USP32: variants seen among roughly 807,000 people sequenced by gnomAD.
USP32 encodes the protein ubiquitin carboxyl-terminal hydrolase 32.
In USP32, 59 loss-of-function variants were observed where a neutral mutation model predicts 204.8. The ratio of observed to expected loss-of-function variants is 0.29; its 90% confidence interval spans 0.23 to 0.36. The LOEUF (loss-of-function observed/expected upper bound fraction) is 0.36, where lower values mean the gene tolerates loss of function less well. Among genes scored for constraint, USP32 ranks in the 10% least tolerant of loss-of-function variants. The pLI is 1.00. For missense variants in USP32, 1,160 were observed against 1,946.4 expected, an observed-to-expected ratio of 0.60 and a Z score of 7.60; for synonymous variants, 517 against 678.4, an observed-to-expected ratio of 0.76 and a Z score of 3.70.
chr17:60,353,591 A>C (rs2089002239), intron 1 of USP32, among the ~76,000 whole-genome samples: 1 of 152,090 alleles, frequency 6.6e-6, no homozygotes, highest in South Asian at 2.1e-4. Context: ...AAATACAAAA[A>C]TTAGCCAGGG....
At chr17:60,224,392 G>A (rs1032501177) in intron 13 of USP32, among the ~76,000 whole-genome samples, 1 of 152,194 alleles carries the variant, frequency 6.6e-6, no homozygotes, top group African/African-American at 2.4e-5. Context: ...AGAAAGGGAG[G>A]GAAGAAGCAG....
upstream of USP32, chr17:60,392,193 C>A: frequency 1.9e-6 from 1 of 534,982 alleles, no homozygotes; most frequent in South Asian, 2.3e-5. Context: ...TCTCCTCTCT[C>A]TCCTCCCTCT....
chr17:60,310,145 A>T (rs1598227915), intron 2 of USP32, among the ~76,000 whole-genome samples: 2 of 152,342 alleles, frequency 1.3e-5, no homozygotes, highest in South Asian at 2.1e-4. Context: ...GCAGGAATGT[A>T]AACTAGTACA....
intron 5 of USP32, among the ~76,000 whole-genome samples, chr17:60,285,146 CTAATT>C (rs1210697108): frequency 6.6e-6 from 1 of 152,170 alleles, no homozygotes; most frequent in Non-Finnish European, 1.5e-5. Context: ...TAACAGAAAA[CTAATT>C]TACCATACAA....
chr17:60,247,326 C>T (rs1308970993), intron 11 of USP32, among the ~76,000 whole-genome samples: 1 of 150,890 alleles, frequency 6.6e-6, no homozygotes, highest in Non-Finnish European at 1.5e-5. Context: ...ATTACAGGCG[C>T]CTGCCACCAT....
At chr17:60,274,088 C>T (rs916517732) in intron 5 of USP32, among the ~76,000 whole-genome samples, 2 of 151,362 alleles carry the variant, frequency 1.3e-5, no homozygotes, top group Non-Finnish European at 2.9e-5. Context: ...AAAAACATGC[C>T]TATACTAAGG....
chr17:60,192,905 G>T lies in USP32; in HGVS notation c.3460C>A (p.Pro1154Thr). 6.2e-7 allele frequency: 1 copy of T among 1,613,836 alleles called. No individual in the cohort carries two copies. The change falls in exon 28 of 34, where the codon CCA becomes ACA. Residue 1154 changes from proline (P) to threonine (T), a missense_variant. Pro to Thr is a conservative substitution (Grantham distance 38). Coordinates refer to ENST00000300896, the MANE Select transcript of USP32 (RefSeq NM_032582.4). ...TTCTGCACAACTCGTAGAGTGAATG[G>T]ATATTGATAGCCCATACTGTCGTCA... is the stretch of plus-strand genomic sequence containing the variant. ...DCDDSMGYQY[P>T]FTLRVVQKDG...
Position 60,205,527 on chromosome 17 carries a change from T to C in USP32, c.3169A>G (p.Asn1057Asp), listed in dbSNP as rs560821528. The change falls in exon 26 of 34, where the codon AAT becomes GAT. Residue 1057 changes from asparagine to aspartate, a missense_variant. This residue lies in a region of USP32 where 1 missense variants were observed against 17.3 expected (regional missense o/e 0.06). Transcript: ENST00000300896. ...GGCATGTGACCATTAACCATTCCAT[T>C]TGTGAAGTTCTTCTCAGTTCCACAT... The part of the protein sequence containing the change: ...VPCGTEKNFT[N>D]GMVNGHMPSL... The C allele has an allele frequency of 6.2e-7, 1 of 1,613,938 alleles. No individual in the cohort carries two copies. Among genetic ancestry groups the C allele is most frequent in the African/African-American group, 1.3e-5 (1 of 75,008 alleles).
At chr17:60,277,737 T>C (rs1377126632) in intron 5 of USP32, among the ~76,000 whole-genome samples, 1 of 152,194 alleles carries the variant, frequency 6.6e-6, no homozygotes, top group African/African-American at 2.4e-5. Flanking sequence ...GATTCTACCA[T>C]TCAAAGAAAT....
intron 11 of USP32, among the ~76,000 whole-genome samples, chr17:60,237,087 C>T (rs1403444557): frequency 1.3e-5 from 2 of 151,506 alleles, no homozygotes; most frequent in Non-Finnish European, 2.9e-5. Flanking sequence ...CACTGTTACA[C>T]TGGGATTATA....
chr17:60,357,491 A>T (rs73320756), intron 1 of USP32, among the ~76,000 whole-genome samples: 5 of 151,880 alleles, frequency 3.3e-5, no homozygotes, highest in African/African-American at 9.7e-5. Context: ...TATGTAGACC[A>T]AGCAAGCAAC....
At chr17:60,260,571 T>C (rs961755086) in intron 9 of USP32, among the ~76,000 whole-genome samples, 3 of 151,680 alleles carry the variant, frequency 2.0e-5, no homozygotes, top group Non-Finnish European at 4.4e-5. Flanking sequence ...AATGGAATAC[T>C]ATGCAGAGGA....
At chr17:60,331,132 T>C (rs184892101) in intron 2 of USP32, among the ~76,000 whole-genome samples, 16 of 152,370 alleles carry the variant, frequency 1.1e-4, no homozygotes, top group Non-Finnish European at 2.2e-4. Flanking sequence ...AAGGAAATGA[T>C]AGTTCTGTCC....
At position 60,309,550 on chromosome 17, in the gene USP32, C is replaced by A. The variant is rs569021412; in HGVS notation, c.187-7846G>T. ...CCAGGAGGCCGATGTTGCAGTGGGC[C>A]AAGACTGCACTACTGCTCTCCAGTG... On this transcript the variant is annotated intron_variant, in intron 2 of 33. Coordinates refer to ENST00000300896, the MANE Select transcript of USP32 (RefSeq NM_032582.4). Among the ~76,000 whole-genome samples the A allele has an allele frequency of 3.9e-5, 6 of 152,022 alleles. No individual in the cohort carries two copies. The South Asian group carries it at 1.2e-3, about 32-fold the overall frequency.
rs149208274 is a variant in USP32, at chr17:60,289,168, C to T, written c.412-486G>A. 8.8e-3 allele frequency among the ~76,000 whole-genome samples: 1,338 copies of T among 152,092 alleles called. 27 individuals carry two copies. The highest frequency in any genetic ancestry group is 0.029 in the African/African-American group (1,224 of 41,494). The stretch of plus-strand genomic sequence containing the variant: ...GACTACAGGCACCCACCACCACGCC[C>T]GGCTAATTTTTTGTATTTTTTAGTA... On this transcript the variant is annotated intron_variant, in intron 4 of 33. Coordinates refer to ENST00000300896, the MANE Select transcript of USP32 (RefSeq NM_032582.4).
At chr17:60,372,382 T>A (rs1473311562) in intron 1 of USP32, among the ~76,000 whole-genome samples, 1 of 152,174 alleles carries the variant, frequency 6.6e-6, no homozygotes, top group Non-Finnish European at 1.5e-5. Flanking sequence ...TGGTATAGAC[T>A]ACTACACACC....
At chr17:60,303,133 A>C (rs892645075) in intron 2 of USP32, among the ~76,000 whole-genome samples, 7 of 152,248 alleles carry the variant, frequency 4.6e-5, no homozygotes, top group Non-Finnish European at 8.8e-5. Flanking sequence ...AAAACTAGCC[A>C]AAGGAAATAG....
At chr17:60,419,816 AAATT>A (rs1165112687) in intron 1 of USP32, among the ~76,000 whole-genome samples, 3 of 101,694 alleles carry the variant, frequency 3.0e-5, no homozygotes, top group Admixed American at 1.0e-4. Context: ...AGGTTAAAAA[AAATT>A]ATTATTATTA....
At chr17:60,357,845 T>C (rs554602238) in intron 1 of USP32, among the ~76,000 whole-genome samples, 2 of 152,242 alleles carry the variant, frequency 1.3e-5, no homozygotes, top group Admixed American at 1.3e-4. Flanking sequence ...CTCAACTCAC[T>C]GCAACTTCCA....
Sources: gnomAD v4.1 joint callset for allele counts (sites outside exome capture counted in the v4.1 genomes callset) on GRCh38, gnomAD v4.1.1 for gene constraint, gnomAD v4.1.1 regional missense constraint, MANE v1.5 for transcripts, NCBI Gene and HGNC (gene_info 2026-07-23, HGNC 2026-07-21) for gene names.